The following LIN52 variants were observed in gnomAD, a reference collection of about 807,000 sequenced individuals.
The protein encoded by LIN52 is lin-52 DREAM MuvB core complex component.
A neutral mutation model predicts 18.5 loss-of-function variants in LIN52; 4 were observed. The ratio of observed to expected loss-of-function variants is 0.22; its 90% confidence interval spans 0.11 to 0.49. LIN52 has a LOEUF of 0.49. LIN52 is among the 20% of genes least tolerant of loss of function. The pLI, the probability that LIN52 is intolerant of heterozygous loss-of-function variation, is 0.97. For missense variants in LIN52, 102 were observed against 139.5 expected (o/e 0.73, Z 1.35); for synonymous variants, 34 against 45.5 (o/e 0.75, Z 1.02).
At chr14:74,121,961 T>C (rs1353951165) in intron 5 of LIN52, among the ~76,000 whole-genome samples, 1 of 152,062 alleles carries the variant, frequency 6.6e-6, no homozygotes, top group Non-Finnish European at 1.5e-5. Context: ...CTTCACTTTC[T>C]CCACTGGAAT....
chr14:74,127,530 C>G (rs1307225508), intron 5 of LIN52, among the ~76,000 whole-genome samples: 1 of 152,060 alleles, frequency 6.6e-6, no homozygotes, highest in African/African-American at 2.4e-5. Flanking sequence ...ACTGAGAGCA[C>G]TGGGAAGCCA....
chr14:74,126,363 C>T (rs1271275275), intron 5 of LIN52, among the ~76,000 whole-genome samples: 1 of 152,094 alleles, frequency 6.6e-6, no homozygotes, highest in Non-Finnish European at 1.5e-5. Context: ...TGCCATATGC[C>T]CAGCAATTCC....
At chr14:74,156,773 A>G (rs2061200567) in intron 5 of LIN52, among the ~76,000 whole-genome samples, 1 of 152,098 alleles carries the variant, frequency 6.6e-6, no homozygotes, top group Non-Finnish European at 1.5e-5. Context: ...TTTTGTATCC[A>G]TTGACCAACC....
At chr14:74,157,457 A>ATTT (rs141924841) in intron 5 of LIN52, among the ~76,000 whole-genome samples, 1,620 of 119,018 alleles carry the variant, frequency 0.014, 14 homozygotes, top group Admixed American at 0.036. Flanking sequence ...ATATATATAT[A>ATTT]TATTTTTTAA....
intron 5 of LIN52, among the ~76,000 whole-genome samples, chr14:74,167,112 C>T (rs75943959): frequency 4.2e-5 from 5 of 119,118 alleles, no homozygotes; most frequent in South Asian, 2.9e-4. Context: ...GCCTCTGCTG[C>T]TTTTTTTTTT....
At chr14:74,102,908 GAAT>G (rs1162147120) in intron 5 of LIN52, among the ~76,000 whole-genome samples, 1 of 152,060 alleles carries the variant, frequency 6.6e-6, no homozygotes, top group Non-Finnish European at 1.5e-5. Flanking sequence ...AGAGTGAACG[GAAT>G]AATGACCCAT....
At chr14:74,166,723 T>G (rs1243423641) in intron 5 of LIN52, among the ~76,000 whole-genome samples, 1 of 152,220 alleles carries the variant, frequency 6.6e-6, no homozygotes, top group Non-Finnish European at 1.5e-5. Context: ...TTTTCCCATC[T>G]TTTTCCCTTG....
At chr14:74,179,983 G>T (rs1183208314) in intron 5 of LIN52, among the ~76,000 whole-genome samples, 2 of 152,178 alleles carry the variant, frequency 1.3e-5, no homozygotes, top group East Asian at 3.8e-4. Context: ...TGATTCAGTA[G>T]ATTTGGTATG....
rs116215430 is a variant in LIN52 at position 74,191,356 on chromosome 14, T to C, written c.284-7566T>C. Among the ~76,000 whole-genome samples the C allele has an allele frequency of 6.4e-3, 975 of 152,336 alleles. 6 individuals are homozygous for C. The highest frequency in any genetic ancestry group is 0.023 in the African/African-American group (944 of 41,576). The stretch of plus-strand genomic sequence containing the variant: ...TATCTAGTACATAGTGTGTGCTCCA[T>C]GTGACTGCCTTCACTCTTCACCACC... On this transcript the variant is annotated intron_variant, in intron 5 of 5. Coordinates refer to ENST00000555028, the MANE Select transcript of LIN52 (RefSeq NM_001024674.3).
At chr14:74,168,669 GAAA>G (rs375730844) in intron 5 of LIN52, among the ~76,000 whole-genome samples, 3 of 145,824 alleles carry the variant, frequency 2.1e-5, no homozygotes, top group South Asian at 2.2e-4. Flanking sequence ...CTCCGTCTCA[GAAA>G]AAAAAAAGAA....
chr14:74,137,172 AT>A lies in LIN52; in HGVS notation c.283+35941del, dbSNP rs1018776148. Among the ~76,000 whole-genome samples, 302 of 118,010 alleles carry A rather than the reference AT, an allele frequency of 2.6e-3. 2 individuals carry two copies. Among genetic ancestry groups the A allele is most frequent in the Middle Eastern group, 8.3e-3 (2 of 240 alleles). 77.4% of individuals were successfully genotyped at this position (118,010 alleles called of 152,430 possible). ...TATATATGAATATATATATATATAT[AT>A]TTTTTTAATCTATATTACGTATTGA... On this transcript the variant is annotated intron_variant, in intron 5 of 5. Transcript: ENST00000555028.
At chr14:74,086,854 T>A (rs1347463409) in intron 1 of LIN52, among the ~76,000 whole-genome samples, 1 of 152,118 alleles carries the variant, frequency 6.6e-6, no homozygotes, top group Non-Finnish European at 1.5e-5. Flanking sequence ...TGGAAATGAA[T>A]GTGATGATTG....
At chr14:74,163,876 G>T (rs184931679) in intron 5 of LIN52, among the ~76,000 whole-genome samples, 3 of 152,262 alleles carry the variant, frequency 2.0e-5, no homozygotes, top group Admixed American at 6.5e-5. Flanking sequence ...TATATCACCT[G>T]CTTTATTCTC....
chr14:74,096,551 G>A (rs1335137302), intron 3 of LIN52, among the ~76,000 whole-genome samples: 1 of 151,576 alleles, frequency 6.6e-6, no homozygotes, highest in Middle Eastern at 3.2e-3. Context: ...TTGATTTGGA[G>A]GTAAATGACT....
chr14:74,109,544 A>G (rs960160087), intron 5 of LIN52, among the ~76,000 whole-genome samples: 2 of 152,210 alleles, frequency 1.3e-5, no homozygotes, highest in African/African-American at 4.8e-5. Context: ...TGTAATCTCT[A>G]TCCTTATGCC....
chr14:74,115,096 C>T (rs149948830), intron 5 of LIN52, among the ~76,000 whole-genome samples: 2 of 152,118 alleles, frequency 1.3e-5, no homozygotes, highest in African/African-American at 4.8e-5. Context: ...TGTTGTTGCT[C>T]ATGTTTTAAA....
chr14:74,103,132 T>A (rs1366715058), intron 5 of LIN52, among the ~76,000 whole-genome samples: 1 of 151,784 alleles, frequency 6.6e-6, no homozygotes, highest in Non-Finnish European at 1.5e-5. Context: ...AGGCTGGAGT[T>A]CAGTGGTGCA....
intron 5 of LIN52, among the ~76,000 whole-genome samples, chr14:74,131,420 G>A (rs1438049931): frequency 6.6e-6 from 1 of 151,618 alleles, no homozygotes; most frequent in African/African-American, 2.4e-5. Context: ...CCAGGTTCAA[G>A]CGATTCTCCT....
rs1465856027 is a variant in LIN52, at chr14:74,130,411, A to G, written c.283+29173A>G. 2.0e-4 allele frequency among the ~76,000 whole-genome samples: 29 copies of G among 147,752 alleles called. 1 individual carries two copies. The highest frequency in any genetic ancestry group is 3.4e-3 in the Middle Eastern group (1 of 290). On this transcript the variant is annotated intron_variant, in intron 5 of 5. Coordinates refer to ENST00000555028, the MANE Select transcript of LIN52 (RefSeq NM_001024674.3). ...TCCTGCCTCAGCCTCCCAAGTAGCT[A>G]GGATTACAGGCGTGTACCACCACTC...
Sources: allele counts gnomAD v4.1 joint callset (sites outside exome capture counted in the v4.1 genomes callset), GRCh38; gene constraint gnomAD v4.1.1; transcripts MANE v1.5; gene names NCBI Gene and HGNC (gene_info 2026-07-23, HGNC 2026-07-21).